JMJD1C: variants seen among roughly 807,000 people sequenced by gnomAD.
The protein encoded by JMJD1C is jumonji domain containing 1C, also known as jumonji domain-containing protein 1C.
A neutral mutation model predicts 245.3 loss-of-function variants in JMJD1C; 31 were observed. The observed-to-expected ratio is 0.13, with a 90% CI of 0.09 to 0.17. JMJD1C has a LOEUF of 0.17. Ranked by LOEUF, JMJD1C falls within the 10% of genes least tolerant of loss-of-function variation. The pLI is 1.00. For synonymous variants in JMJD1C, 1,057 were observed against 1,017.4 expected (o/e 1.04, Z -0.74); for missense variants, 2,691 against 3,000.2 (o/e 0.90, Z 2.41).
chr10:63,411,329 C>T (rs1469312550), intron 1 of JMJD1C, among the ~76,000 whole-genome samples: 4 of 140,192 alleles, frequency 2.9e-5, no homozygotes, highest in Admixed American at 7.5e-5. Context: ...GACGGAGTCT[C>T]GCTCTTGTCA....
intron 1 of JMJD1C, among the ~76,000 whole-genome samples, chr10:63,453,079 A>C (rs938431485): frequency 2.0e-5 from 3 of 152,150 alleles, no homozygotes; most frequent in African/African-American, 7.2e-5. Flanking sequence ...GTTTGAGACT[A>C]GCCTGGCAAA....
At chr10:63,479,271 C>G (rs75784479) in intron 1 of JMJD1C, among the ~76,000 whole-genome samples, 1 of 134,914 alleles carries the variant, frequency 7.4e-6, no homozygotes, top group Non-Finnish European at 1.6e-5. Flanking sequence ...TATTTCTTCT[C>G]TTTTTTTTTT....
intron 1 of JMJD1C, among the ~76,000 whole-genome samples, chr10:63,497,446 A>T (rs1954399003): frequency 6.6e-6 from 1 of 152,234 alleles, no homozygotes; most frequent in South Asian, 2.1e-4. Flanking sequence ...CAGAACAGGC[A>T]AATCTATAGA....
intron 3 of JMJD1C, chr10:63,222,631 C>A: frequency 6.3e-7 from 1 of 1,577,422 alleles, no homozygotes; most frequent in Non-Finnish European, 8.7e-7. Context: ...AATTTTTGGA[C>A]ATAATTAAAA....
At chr10:63,456,756 A>C (rs1778444860) in intron 1 of JMJD1C, among the ~76,000 whole-genome samples, 1 of 152,162 alleles carries the variant, frequency 6.6e-6, no homozygotes, top group Non-Finnish European at 1.5e-5. Flanking sequence ...TTCATAAGCA[A>C]TATAGCCACA....
chr10:63,175,818 T>C (rs914847634), intron 24 of JMJD1C, among the ~76,000 whole-genome samples: 2 of 152,136 alleles, frequency 1.3e-5, no homozygotes, highest in African/African-American at 4.8e-5. Context: ...GCTGGAAAAA[T>C]TAGGTATTTT....
chr10:63,444,202 C>G (rs1441774561), intron 1 of JMJD1C, among the ~76,000 whole-genome samples: 1 of 151,888 alleles, frequency 6.6e-6, no homozygotes, highest in Non-Finnish European at 1.5e-5. Flanking sequence ...AGGATTTTTT[C>G]AAAATAAAAA....
intron 3 of JMJD1C, among the ~76,000 whole-genome samples, chr10:63,232,030 G>T (rs1850084561): frequency 6.6e-6 from 1 of 151,978 alleles, no homozygotes; most frequent in African/African-American, 2.4e-5. Context: ...TAGAGATGAG[G>T]TTTCACCATG....
chr10:63,414,782 C>CT (rs1447397377), intron 1 of JMJD1C, among the ~76,000 whole-genome samples: 5 of 151,922 alleles, frequency 3.3e-5, no homozygotes, highest in African/African-American at 1.2e-4. Flanking sequence ...TGGCAGGTGC[C>CT]TGTAGACCCA....
intron 1 of JMJD1C, chr10:63,382,799 C>T: frequency 2.2e-6 from 1 of 456,040 alleles, no homozygotes; most frequent in Non-Finnish European, 4.4e-6. Flanking sequence ...TGCTCCCTTA[C>T]ACCTGAAGAG....
At chr10:63,212,589 C>G (rs1434574261) in intron 8 of JMJD1C, among the ~76,000 whole-genome samples, 1 of 152,154 alleles carries the variant, frequency 6.6e-6, no homozygotes, top group African/African-American at 2.4e-5. Flanking sequence ...GACAAAATCT[C>G]AGCTGCAGCT....
intron 3 of JMJD1C, among the ~76,000 whole-genome samples, chr10:63,261,009 T>C (rs1254213315): frequency 6.6e-6 from 1 of 152,132 alleles, no homozygotes; most frequent in Non-Finnish European, 1.5e-5. Context: ...CCTCTCCCTT[T>C]TCCCTTCCCC....
chr10:63,450,937 C>A (rs981808260), intron 1 of JMJD1C, among the ~76,000 whole-genome samples: 3 of 141,386 alleles, frequency 2.1e-5, no homozygotes, highest in African/African-American at 7.7e-5. Flanking sequence ...AAAAAAAAAA[C>A]TCTTAGAGCT....
intron 2 of JMJD1C, among the ~76,000 whole-genome samples, chr10:63,277,727 A>ATTTTTTT (rs1389505532): frequency 2.4e-4 from 20 of 83,132 alleles, no homozygotes; most frequent in African/African-American, 9.5e-4. Flanking sequence ...AGTAATTTGC[A>ATTTTTTT]TTTCTTTTTT....
chr10:63,408,072 TTCAAAACTGAAAAGCAACTCC>T lies in JMJD1C; in HGVS notation c.169-27611_169-27591del. Among the ~76,000 whole-genome samples the T allele has an allele frequency of 2.0e-5, 3 of 152,164 alleles. No individual in the cohort carries two copies. In the South Asian group the frequency reaches 6.2e-4, roughly 32 times the overall value. Reference sequence around the variant, plus strand: ...CTTTTCAGAACTAACACTCATAAATTTCAAAACTGAAAAGCAACTCCTCAAAAGCTAAGCACAACAGATAAA... The same window carrying T: ...CTTTTCAGAACTAACACTCATAAATTTCAAAAGCTAAGCACAACAGATAAA... On this transcript the variant is annotated intron_variant, in intron 1 of 25. Transcript: ENST00000399262.
Position 63,309,122 on chromosome 10 carries a change from C to G in JMJD1C, c.334-44358G>C, listed in dbSNP as rs1938747286. The stretch of plus-strand genomic sequence containing the variant: ...CAACAAAAAACCTCAAGCACCATAT[C>G]TCAAGAAACTACTCAGAATGTACTC... On this transcript the variant is annotated intron_variant, in intron 2 of 25. Transcript: ENST00000399262. 2.0e-5 allele frequency among the ~76,000 whole-genome samples: 3 copies of G among 152,244 alleles called. No homozygotes were observed. The South Asian group carries it at 6.2e-4, about 32-fold the overall frequency.
chr10:63,462,225 A>G (rs1173900479), intron 1 of JMJD1C, among the ~76,000 whole-genome samples: 2 of 152,358 alleles, frequency 1.3e-5, no homozygotes, highest in South Asian at 2.1e-4. Context: ...TTCTCACGCC[A>G]TATTTTTAAA....
chr10:63,452,445 C>T (rs868604528), intron 1 of JMJD1C, among the ~76,000 whole-genome samples: 7 of 152,148 alleles, frequency 4.6e-5, no homozygotes, highest in Non-Finnish European at 7.4e-5. Flanking sequence ...TAAGTGTTGA[C>T]TAGGATGTAG....
At chr10:63,493,842 G>A (rs907903426) in intron 1 of JMJD1C, among the ~76,000 whole-genome samples, 7 of 152,116 alleles carry the variant, frequency 4.6e-5, no homozygotes, top group African/African-American at 1.7e-4. Flanking sequence ...AAATAACAAA[G>A]CTCTCAAATA....
Sources: gnomAD v4.1 joint callset for allele counts (sites outside exome capture counted in the v4.1 genomes callset) on GRCh38, gnomAD v4.1.1 for gene constraint, MANE v1.5 for transcripts, NCBI Gene and HGNC (gene_info 2026-07-23, HGNC 2026-07-21) for gene names.